Variants in NRXN1 observed in about 807,000 individuals in gnomAD.
NRXN1 encodes neurexin-1.
In NRXN1, 39 loss-of-function variants were observed where a neutral mutation model predicts 150.9. The observed-to-expected ratio is 0.26, with a 90% CI of 0.20 to 0.34. NRXN1 has a LOEUF of 0.34. Among genes scored for constraint, NRXN1 ranks in the 10% least tolerant of loss-of-function variants. NRXN1 has a pLI of 1.00. For missense variants in NRXN1, 1,815 were observed against 1,949.9 expected (o/e 0.93, Z 1.30); for synonymous variants, 924 against 757.0 (o/e 1.22, Z -3.62).
In NRXN1 at chr2:50,278,264, T is replaced by TTA. The variant is rs373512653; in HGVS notation, c.3365-41296_3365-41295dup. Among the ~76,000 whole-genome samples, 135 of 66,180 alleles carry TTA rather than the reference T, an allele frequency of 2.0e-3. 1 individual carries two copies. Among genetic ancestry groups the TTA allele is most frequent in the African/African-American group, 6.2e-3 (110 of 17,628 alleles). The allele number at this position is 66,180 out of a possible 152,430, so 43.4% of individuals were successfully genotyped here. A position where few individuals can be genotyped will look rare whatever the true frequency, so the allele number is the denominator to read the frequency against. ...ATAATATATATATATATTATATATA[T>TTA]TATATATGTATTATATATATAATAC... On this transcript the variant is annotated intron_variant, in intron 17 of 22. Coordinates refer to ENST00000401669, the MANE Select transcript of NRXN1 (RefSeq NM_001330078.2).
intron 17 of NRXN1, among the ~76,000 whole-genome samples, chr2:50,315,835 A>G (rs1391423931): frequency 6.6e-6 from 1 of 152,126 alleles, no homozygotes; most frequent in African/African-American, 2.4e-5. Context: ...TTGTGGAAGC[A>G]CAAGAATAGC....
chr2:50,145,299 T>TACAC (rs3050734), intron 18 of NRXN1, among the ~76,000 whole-genome samples: 1 of 150,714 alleles, frequency 6.6e-6, no homozygotes, highest in South Asian at 2.1e-4. Flanking sequence ...TCCACACAAA[T>TACAC]ACACACACAC....
intron 18 of NRXN1, among the ~76,000 whole-genome samples, chr2:50,119,552 G>A (rs1467013613): frequency 7.1e-6 from 1 of 141,080 alleles, no homozygotes. Context: ...TGAAAGAAAA[G>A]GTTCATTAAA....
intron 15 of NRXN1, among the ~76,000 whole-genome samples, chr2:50,494,214 A>C (rs1185135033): frequency 6.6e-6 from 1 of 152,202 alleles, no homozygotes; most frequent in Non-Finnish European, 1.5e-5. Context: ...CACATACTTC[A>C]ACCAATTATA....
At chr2:50,854,807 A>G (rs1273725182) in intron 5 of NRXN1, among the ~76,000 whole-genome samples, 1 of 152,072 alleles carries the variant, frequency 6.6e-6, no homozygotes, top group Non-Finnish European at 1.5e-5. Flanking sequence ...AGAAAACATA[A>G]TATTTTCATA....
intron 5 of NRXN1, among the ~76,000 whole-genome samples, chr2:50,915,963 T>C (rs1279418620): frequency 2.0e-5 from 3 of 148,898 alleles, no homozygotes; most frequent in African/African-American, 4.9e-5. Flanking sequence ...CCAGCTCTTA[T>C]GACTTCAGGA....
chr2:50,943,415 C>T (rs1401051872), intron 2 of NRXN1, among the ~76,000 whole-genome samples: 1 of 152,086 alleles, frequency 6.6e-6, no homozygotes, highest in Non-Finnish European at 1.5e-5. Context: ...AGCTATGGTC[C>T]AGAGTGGTTA....
rs543552883 is a variant in NRXN1 at position 49,930,933 on chromosome 2, C to T, written c.4217-8682G>A. ...GAGGCTGAAGCCAGGTGTTCAAGAC[C>T]AGCCTGGGAAAAAGAACAAGATACT... On this transcript the variant is annotated intron_variant, in intron 22 of 22. Coordinates refer to ENST00000401669, the MANE Select transcript of NRXN1 (RefSeq NM_001330078.2). 1.2e-4 allele frequency among the ~76,000 whole-genome samples: 18 copies of T among 152,288 alleles called. No individual in the cohort carries two copies. In the South Asian group the frequency reaches 3.5e-3, roughly 30 times the overall value.
intron 17 of NRXN1, among the ~76,000 whole-genome samples, chr2:50,257,637 G>C (rs892336372): frequency 2.0e-5 from 3 of 151,918 alleles, no homozygotes; most frequent in Non-Finnish European, 4.4e-5. Context: ...GTGCCAACGA[G>C]TAATTTTTTC....
chr2:50,877,467 A>G (rs1386636960), intron 5 of NRXN1, among the ~76,000 whole-genome samples: 1 of 151,938 alleles, frequency 6.6e-6, no homozygotes, highest in East Asian at 1.9e-4. Context: ...TTCCACTCCC[A>G]GATCAAGTCC....
At chr2:50,425,990 A>G (rs527283355) in intron 17 of NRXN1, among the ~76,000 whole-genome samples, 1 of 152,354 alleles carries the variant, frequency 6.6e-6, no homozygotes, top group African/African-American at 2.4e-5. Context: ...GTGTGCATCT[A>G]TCAGTGATAC....
At chr2:50,909,295 T>C (rs967566305) in intron 5 of NRXN1, among the ~76,000 whole-genome samples, 5 of 152,040 alleles carry the variant, frequency 3.3e-5, no homozygotes, top group Admixed American at 2.6e-4. Flanking sequence ...AGGTAACAAG[T>C]ACAGCCTTCT....
intron 2 of NRXN1, among the ~76,000 whole-genome samples, chr2:50,937,206 AATG>A (rs1360483186): frequency 6.6e-6 from 1 of 152,168 alleles, no homozygotes; most frequent in African/African-American, 2.4e-5. Context: ...ATACGTATTT[AATG>A]ATGTTAGCCA....
At chr2:50,625,091 G>A (rs1348416148) in intron 5 of NRXN1, 1 of 151,822 alleles carries the variant, frequency 6.6e-6, no homozygotes, top group Admixed American at 6.6e-5. Context: ...TCACTATTAT[G>A]CCCCCGAGAG....
chr2:50,095,234 C>T (rs1331987448), intron 18 of NRXN1, among the ~76,000 whole-genome samples: 2 of 152,114 alleles, frequency 1.3e-5, no homozygotes, highest in African/African-American at 2.4e-5. Flanking sequence ...TTTTACTATC[C>T]AAGAGGGAGC....
At chr2:50,822,504 A>G (rs1404398191) in intron 5 of NRXN1, among the ~76,000 whole-genome samples, 2 of 152,150 alleles carry the variant, frequency 1.3e-5, no homozygotes, top group African/African-American at 4.8e-5. Flanking sequence ...TTTGCATAAT[A>G]TAAGACACTC....
In NRXN1 at chr2:50,386,445, A is replaced by T. The variant is rs568847783; in HGVS notation, c.3364+78997T>A. On this transcript the variant is annotated intron_variant, in intron 17 of 22. Coordinates refer to ENST00000401669, the MANE Select transcript of NRXN1 (RefSeq NM_001330078.2). ...GGTTCATAGGAGGTAATTTCAACTA[A>T]TGAGTCTTACAGAAGTAGGAATTGA... 6.6e-5 allele frequency among the ~76,000 whole-genome samples: 10 copies of T among 152,212 alleles called. No homozygotes were observed. The South Asian group carries it at 2.1e-3, about 32-fold the overall frequency.
chr2:50,286,206 T>C (rs1401318574), intron 17 of NRXN1, among the ~76,000 whole-genome samples: 1 of 152,164 alleles, frequency 6.6e-6, no homozygotes, highest in Non-Finnish European at 1.5e-5. Context: ...GCAGTCACCA[T>C]GTACAATAGA....
intron 2 of NRXN1, among the ~76,000 whole-genome samples, chr2:51,007,524 T>C (rs1354598275): frequency 6.6e-6 from 1 of 151,984 alleles, no homozygotes; most frequent in Non-Finnish European, 1.5e-5. Flanking sequence ...ATTATACACA[T>C]CAAAACGTAC....
Sources: gnomAD v4.1 joint callset for allele counts (sites outside exome capture counted in the v4.1 genomes callset) on GRCh38, gnomAD v4.1.1 for gene constraint, MANE v1.5 for transcripts, NCBI Gene and HGNC (gene_info 2026-07-23, HGNC 2026-07-21) for gene names.